The following LIN7A variants were observed in gnomAD, a reference collection of about 807,000 sequenced individuals.
LIN7A encodes protein lin-7 homolog A.
A neutral mutation model predicts 29.8 loss-of-function variants in LIN7A; 25 were observed. The observed-to-expected ratio is 0.84, with a 90% confidence interval of 0.61 to 1.17. The LOEUF (loss-of-function observed/expected upper bound fraction) is 1.17. LIN7A is among the 50% of genes most tolerant of loss of function. The pLI is 0.00. For missense variants in LIN7A, 239 were observed against 287.0 expected, an observed-to-expected ratio of 0.83 and a Z score of 1.21; for synonymous variants, 118 against 107.5, an observed-to-expected ratio of 1.10 and a Z score of -0.60.
intron 4 of LIN7A, among the ~76,000 whole-genome samples, chr12:80,817,892 AT>A (rs1871607478): frequency 6.6e-6 from 1 of 152,126 alleles, no homozygotes; most frequent in Non-Finnish European, 1.5e-5. Flanking sequence ...ATGGAGTGTC[AT>A]TTTTGTGTGA....
chr12:80,879,162 A>G (rs1874884304), intron 2 of LIN7A, among the ~76,000 whole-genome samples: 1 of 152,166 alleles, frequency 6.6e-6, no homozygotes, highest in South Asian at 2.1e-4. Context: ...CTATGTAACT[A>G]TAGATTCACA....
intron 2 of LIN7A, among the ~76,000 whole-genome samples, chr12:80,879,615 G>T (rs1483885953): frequency 2.5e-5 from 3 of 121,104 alleles, no homozygotes; most frequent in African/African-American, 2.9e-5. Context: ...TTTGCCTATG[G>T]GATAGCCCTG....
At chr12:80,834,207 T>G (rs1872511508) in intron 4 of LIN7A, among the ~76,000 whole-genome samples, 1 of 152,172 alleles carries the variant, frequency 6.6e-6, no homozygotes, top group Non-Finnish European at 1.5e-5. Flanking sequence ...GTTGAAATGG[T>G]AGTGCTGGGT....
intron 2 of LIN7A, among the ~76,000 whole-genome samples, chr12:80,853,243 T>C (rs546480152): frequency 1.2e-4 from 19 of 152,214 alleles, no homozygotes; most frequent in Admixed American, 4.6e-4. Context: ...TTCCTTCCAA[T>C]TCTGAAACTT....
At chr12:80,879,645 C>CA (rs530877505) in intron 2 of LIN7A, among the ~76,000 whole-genome samples, 2,796 of 58,674 alleles carry the variant, frequency 0.048, 641 homozygotes, top group East Asian at 0.18. Flanking sequence ...TGGAGCAGCC[C>CA]AAAAAAAAAA....
intron 4 of LIN7A, among the ~76,000 whole-genome samples, chr12:80,827,032 T>C (rs1872111709): frequency 6.6e-6 from 1 of 152,148 alleles, no homozygotes; most frequent in African/African-American, 2.4e-5. Context: ...ATTACTGCTG[T>C]AAGAAGGTTA....
rs191115558 is a variant in LIN7A at position 80,864,679 on chromosome 12, C to A, written c.202-16357G>T. Among the ~76,000 whole-genome samples the A allele has an allele frequency of 1.9e-3, 284 of 152,190 alleles. 1 individual carries two copies. Among genetic ancestry groups the A allele is most frequent in the African/African-American group, 6.3e-3 (263 of 41,516 alleles). On this transcript the variant is annotated intron_variant, in intron 2 of 5. Coordinates refer to ENST00000552864, the MANE Select transcript of LIN7A (RefSeq NM_004664.4). ...CATTTAACTTTTGGAAGTGATATGC[C>A]AGGTTCAATTATAGTATGGAAAAAG...
chr12:80,827,318 C>T lies in LIN7A; in HGVS notation c.484-15635G>A, dbSNP rs1290294809. Reference sequence around the variant, plus strand: ...AGGAGAATGGCGTGAACCCGGGAGGCGGAGCTTGCAGTGAGCTGAGATCCT... The same window carrying T: ...AGGAGAATGGCGTGAACCCGGGAGGTGGAGCTTGCAGTGAGCTGAGATCCT... On this transcript the variant is annotated intron_variant, in intron 4 of 5. Transcript: ENST00000552864. Among the ~76,000 whole-genome samples the T allele has an allele frequency of 3.3e-5, 5 of 152,022 alleles. No individual in the cohort carries two copies. The East Asian group carries it at 9.7e-4, about 29-fold the overall frequency.
intron 4 of LIN7A, among the ~76,000 whole-genome samples, chr12:80,844,685 A>T (rs1592887821): frequency 1.3e-5 from 2 of 152,274 alleles, no homozygotes; most frequent in Non-Finnish European, 2.9e-5. Flanking sequence ...ATATAAGTGG[A>T]TGTTATAGGG....
rs529320157 is a variant in LIN7A, at chr12:80,921,293, G to A, written c.82+16348C>T. 2.2e-4 allele frequency among the ~76,000 whole-genome samples: 34 copies of A among 151,754 alleles called. 1 individual carries two copies. The highest frequency in any genetic ancestry group is 7.8e-4 in the African/African-American group (32 of 41,216). ...GAACCATAAGAAATATATATCTGTA[G>A]TTTATAAGTGACCTAGTCTATGGTA... On this transcript the variant is annotated intron_variant, in intron 1 of 5. Coordinates refer to ENST00000552864, the MANE Select transcript of LIN7A (RefSeq NM_004664.4).
chr12:80,901,360 C>T (rs1300879236), intron 1 of LIN7A, among the ~76,000 whole-genome samples: 2 of 152,108 alleles, frequency 1.3e-5, no homozygotes, highest in Non-Finnish European at 2.9e-5. Context: ...TTTACCTTTT[C>T]TTCCCTAATT....
chr12:80,897,495 C>T (rs1875969921), intron 1 of LIN7A, among the ~76,000 whole-genome samples: 6 of 152,110 alleles, frequency 3.9e-5, no homozygotes, highest in Admixed American at 3.9e-4. Context: ...AGCATAGAAT[C>T]GTGACAATTG....
intron 1 of LIN7A, among the ~76,000 whole-genome samples, chr12:80,931,751 A>G (rs575691502): frequency 1.3e-5 from 2 of 152,340 alleles, no homozygotes; most frequent in South Asian, 2.1e-4. Flanking sequence ...CAATTTTTTA[A>G]TATTTGCTGG....
intron 5 of LIN7A, among the ~76,000 whole-genome samples, 159 bp downstream of exon 5, chr12:80,811,306 G>T (rs1871272957): frequency 6.6e-6 from 1 of 151,960 alleles, no homozygotes; most frequent in Admixed American, 6.6e-5. Context: ...TTGTTTGATT[G>T]ATTTTGTTTG....
intron 2 of LIN7A, among the ~76,000 whole-genome samples, chr12:80,888,995 A>G (rs2120644585): frequency 6.6e-6 from 1 of 152,220 alleles, no homozygotes; most frequent in South Asian, 2.1e-4. Flanking sequence ...CATAGACTAC[A>G]TGCAACAGTC....
At chr12:80,845,685 A>G (rs753808468) in intron 4 of LIN7A, 45 bp downstream of exon 4, 13 of 1,512,414 alleles carry the variant, frequency 8.6e-6, no homozygotes, top group Non-Finnish European at 1.2e-5. Flanking sequence ...GCAAAAAAAA[A>G]GAATGTGCTT....
chr12:80,914,874 C>A (rs1420879152), intron 1 of LIN7A, among the ~76,000 whole-genome samples: 2 of 151,998 alleles, frequency 1.3e-5, no homozygotes, highest in African/African-American at 4.8e-5. Flanking sequence ...GAATCTGACT[C>A]TACAAAAAAT....
intron 4 of LIN7A, among the ~76,000 whole-genome samples, chr12:80,821,971 C>G (rs1871830188): frequency 6.6e-6 from 1 of 152,230 alleles, no homozygotes; most frequent in African/African-American, 2.4e-5. Context: ...GGAGCACTGA[C>G]AAGCCAACCC....
intron 2 of LIN7A, chr12:80,861,064 A>C (rs1007140454): frequency 6.6e-6 from 1 of 152,242 alleles, no homozygotes; most frequent in Non-Finnish European, 1.5e-5. Context: ...CAGAGACTTA[A>C]TGTAACTGCT....
Sources: allele counts gnomAD v4.1 joint callset (sites outside exome capture counted in the v4.1 genomes callset), GRCh38; gene constraint gnomAD v4.1.1; transcripts MANE v1.5; gene names NCBI Gene and HGNC (gene_info 2026-07-23, HGNC 2026-07-21).